ERC2: variants seen among roughly 807,000 people sequenced by gnomAD.
ERC2 encodes ERC protein 2.
Under a neutral mutation model 114.8 loss-of-function variants are expected in ERC2, and 42 were observed. The observed-to-expected ratio is 0.37, with a 90% CI of 0.29 to 0.47. The LOEUF is 0.47. Ranked by LOEUF, ERC2 falls within the 20% of genes least tolerant of loss-of-function variation. ERC2 has a pLI of 0.99. For synonymous variants in ERC2, 454 were observed against 425.5 expected, an observed-to-expected ratio of 1.07 and a Z score of -0.82; for missense variants, 939 against 1,150.7, an observed-to-expected ratio of 0.82 and a Z score of 2.66.
At chr3:56,386,745 G>A (rs1212129483) in intron 2 of ERC2, among the ~76,000 whole-genome samples, 1 of 152,130 alleles carries the variant, frequency 6.6e-6, no homozygotes, top group African/African-American at 2.4e-5. Context: ...AGACACTACT[G>A]CTACTGAAAA....
chr3:56,162,925 C>T (rs1575639907), intron 4 of ERC2, among the ~76,000 whole-genome samples: 1 of 151,560 alleles, frequency 6.6e-6, no homozygotes. Flanking sequence ...TAAGTTTGCT[C>T]TTGTTTTTCT....
At chr3:55,663,053 A>G (rs767446621) in intron 17 of ERC2, among the ~76,000 whole-genome samples, 2 of 152,240 alleles carry the variant, frequency 1.3e-5, no homozygotes, top group African/African-American at 2.4e-5. Flanking sequence ...TCTGCCTTTG[A>G]TTAAATAAAT....
intron 11 of ERC2, among the ~76,000 whole-genome samples, chr3:55,986,872 A>G (rs1210169451): frequency 1.3e-5 from 2 of 152,098 alleles, no homozygotes; most frequent in East Asian, 3.9e-4. Flanking sequence ...CATAGTGGAC[A>G]TTCATTTTGT....
chr3:56,095,289 CCTT>C (rs757144678), intron 6 of ERC2, among the ~76,000 whole-genome samples: 13 of 151,780 alleles, frequency 8.6e-5, no homozygotes, highest in Non-Finnish European at 1.3e-4. Context: ...ATATGGGGGC[CCTT>C]CTTTTTATTC....
chr3:55,952,136 AACACAC>A (rs778299355), intron 12 of ERC2, among the ~76,000 whole-genome samples: 911 of 75,420 alleles, frequency 0.012, 22 homozygotes, highest in African/African-American at 0.031. Context: ...CCATCTCTAA[AACACAC>A]ACACACACAC....
At chr3:55,787,046 A>G (rs941611077) in intron 14 of ERC2, among the ~76,000 whole-genome samples, 14 of 152,174 alleles carry the variant, frequency 9.2e-5, no homozygotes, top group Admixed American at 2.0e-4. Context: ...TTTCCTAATT[A>G]CTATCTGCAC....
At chr3:55,733,485 C>T (rs1176516370) in intron 15 of ERC2, among the ~76,000 whole-genome samples, 1 of 90,508 alleles carries the variant, frequency 1.1e-5, no homozygotes, top group African/African-American at 3.8e-5. Context: ...CACACACACA[C>T]ATTCTCTGTC....
At chr3:56,378,687 A>G (rs1014006057) in intron 2 of ERC2, among the ~76,000 whole-genome samples, 5 of 152,222 alleles carry the variant, frequency 3.3e-5, no homozygotes, top group South Asian at 2.1e-4. Context: ...AAAGAGCCCA[A>G]AATCATTCAT....
intron 7 of ERC2, among the ~76,000 whole-genome samples, chr3:56,071,558 G>A (rs2076740365): frequency 6.6e-6 from 1 of 152,144 alleles, no homozygotes; most frequent in Admixed American, 6.5e-5. Context: ...GTACACTAGA[G>A]CCCAAAGGAA....
At chr3:56,131,413 T>C (rs563771683) in intron 6 of ERC2, among the ~76,000 whole-genome samples, 6 of 152,318 alleles carry the variant, frequency 3.9e-5, no homozygotes, top group South Asian at 2.1e-4. Flanking sequence ...GAAAGTGAGA[T>C]AAATGCATCC....
At chr3:55,960,863 G>A (rs1002265835) in intron 12 of ERC2, among the ~76,000 whole-genome samples, 1 of 152,254 alleles carries the variant, frequency 6.6e-6, no homozygotes, top group African/African-American at 2.4e-5. Context: ...GGCCGGGCAT[G>A]GTGGCTCATG....
intron 3 of ERC2, among the ~76,000 whole-genome samples, chr3:56,200,407 C>T (rs1302969396): frequency 2.0e-5 from 3 of 151,906 alleles, no homozygotes; most frequent in African/African-American, 7.3e-5. Flanking sequence ...TTCCTCCCAG[C>T]TCTAACAAGT....
chr3:55,753,476 T>C (rs1168776161), intron 14 of ERC2, among the ~76,000 whole-genome samples: 1 of 152,174 alleles, frequency 6.6e-6, no homozygotes, highest in Non-Finnish European at 1.5e-5. Context: ...GGCATTACTA[T>C]CAGGGGCATC....
At chr3:56,285,690 C>T (rs1026131854) in intron 3 of ERC2, among the ~76,000 whole-genome samples, 1 of 152,204 alleles carries the variant, frequency 6.6e-6, no homozygotes, top group Non-Finnish European at 1.5e-5. Context: ...TGTCCATGGG[C>T]AAACCTGGCA....
intron 17 of ERC2, among the ~76,000 whole-genome samples, chr3:55,641,861 A>G (rs756995160): frequency 6.6e-6 from 1 of 152,180 alleles, no homozygotes; most frequent in Non-Finnish European, 1.5e-5. Context: ...TTACTAGCCC[A>G]TTACGTTTCT....
chr3:56,058,172 T>C (rs2076093513), intron 7 of ERC2, among the ~76,000 whole-genome samples: 11 of 152,236 alleles, frequency 7.2e-5, no homozygotes, highest in Admixed American at 7.2e-4. Context: ...AAGTTGTGAC[T>C]ACCAGAAAAC....
At chr3:56,133,401 C>T (rs1267904970) in intron 6 of ERC2, among the ~76,000 whole-genome samples, 1 of 152,142 alleles carries the variant, frequency 6.6e-6, no homozygotes, top group African/African-American at 2.4e-5. Flanking sequence ...CATGCCACTG[C>T]ACTCCAGCCT....
chr3:55,882,087 T>A (rs1316789464), intron 14 of ERC2, among the ~76,000 whole-genome samples: 1 of 152,200 alleles, frequency 6.6e-6, no homozygotes, highest in African/African-American at 2.4e-5. Context: ...GAAAACGGTG[T>A]TTGGGTTGTG....
chr3:56,010,234 A>C (rs549452218), intron 9 of ERC2, among the ~76,000 whole-genome samples: 14 of 152,314 alleles, frequency 9.2e-5, no homozygotes, highest in South Asian at 2.1e-4. Flanking sequence ...GTATATGGTT[A>C]GCAGAGCAGA....
Sources: gnomAD v4.1 joint callset for allele counts (sites outside exome capture counted in the v4.1 genomes callset) on GRCh38, gnomAD v4.1.1 for gene constraint, MANE v1.5 for transcripts, NCBI Gene and HGNC (gene_info 2026-07-23, HGNC 2026-07-21) for gene names.